KIFC3: variants seen among roughly 807,000 people sequenced by gnomAD.
KIFC3 encodes kinesin-like protein KIFC3.
A neutral mutation model predicts 101.8 loss-of-function variants in KIFC3; 60 were observed. The observed-to-expected ratio is 0.59, with a 90% CI of 0.48 to 0.73. The LOEUF is 0.73. Among genes scored for constraint, KIFC3 ranks in the 30% least tolerant of loss-of-function variants. KIFC3 has a pLI of 0.00. For missense variants in KIFC3, 966 were observed against 1,137.1 expected (o/e 0.85, Z 2.16); for synonymous variants, 476 against 482.7 (o/e 0.99, Z 0.18).
chr16:57,848,336 T>C (rs1200865832), intron 1 of KIFC3, among the ~76,000 whole-genome samples: 3 of 152,170 alleles, frequency 2.0e-5, no homozygotes, highest in African/African-American at 4.8e-5. Flanking sequence ...AGGACCAGCA[T>C]TGAGATGCCA....
chr16:57,768,424 ATT>A (rs1222757011), intron 9 of KIFC3, among the ~76,000 whole-genome samples: 1 of 151,274 alleles, frequency 6.6e-6, no homozygotes, highest in Non-Finnish European at 1.5e-5. Context: ...TGTACTGTTA[ATT>A]TTTTTCAACT....
chr16:57,785,620 T>A, intron 3 of KIFC3: 1 of 1,268,558 alleles, frequency 7.9e-7, no homozygotes, highest in Non-Finnish European at 1.0e-6. Context: ...CCGCACCTGG[T>A]GGCCCCGACA....
chr16:57,788,463 C>A, intron 3 of KIFC3: 6 of 1,022,080 alleles, frequency 5.9e-6, no homozygotes, highest in Non-Finnish European at 7.6e-6. Flanking sequence ...TCTGTCTAGG[C>A]CACCTCCAGC....
chr16:57,785,549 A>G (rs1259759307), intron 3 of KIFC3: 1 of 1,288,644 alleles, frequency 7.8e-7, no homozygotes, highest in Admixed American at 2.3e-5. Flanking sequence ...CTCCTCCTGT[A>G]GCTGGGTCTT....
intron 1 of KIFC3, among the ~76,000 whole-genome samples, chr16:57,858,783 C>T (rs530247356): frequency 6.6e-6 from 1 of 152,046 alleles, no homozygotes; most frequent in East Asian, 1.9e-4. Context: ...ACTGTTTCTA[C>T]TAAAAGTACA....
chr16:57,801,825 G>A (rs1180391838), intron 1 of KIFC3, among the ~76,000 whole-genome samples: 2 of 152,258 alleles, frequency 1.3e-5, no homozygotes, highest in African/African-American at 4.8e-5. Flanking sequence ...CGCCCTCCCT[G>A]CTGAGACCCT....
intron 3 of KIFC3, chr16:57,788,487 G>T: frequency 8.6e-7 from 1 of 1,160,750 alleles, no homozygotes; most frequent in Non-Finnish European, 1.1e-6. Context: ...GGAGGACAGG[G>T]CATGGGGATA....
At chr16:57,777,734 A>T (rs574639315) in intron 3 of KIFC3, among the ~76,000 whole-genome samples, 1 of 150,454 alleles carries the variant, frequency 6.6e-6, no homozygotes, top group Non-Finnish European at 1.5e-5. Context: ...TAAAAAAAAA[A>T]TTAAAAAAAA....
At chr16:57,847,209 AG>A (rs1237005394) in intron 1 of KIFC3, among the ~76,000 whole-genome samples, 1 of 55,928 alleles carries the variant, frequency 1.8e-5, no homozygotes, top group Admixed American at 1.8e-4. Flanking sequence ...GAAGGAAGGA[AG>A]GAAGGAAGGA....
At chr16:57,808,889 C>A (rs1237567870) in intron 1 of KIFC3, among the ~76,000 whole-genome samples, 1 of 152,198 alleles carries the variant, frequency 6.6e-6, no homozygotes, top group Admixed American at 6.5e-5. Flanking sequence ...GCACATAGCA[C>A]CCTCAGCCCA....
chr16:57,785,712 G>A (rs1378495902), intron 3 of KIFC3: 19 of 1,123,538 alleles, frequency 1.7e-5, no homozygotes, highest in South Asian at 9.7e-5. Flanking sequence ...GAGGTCCCAC[G>A]CTGGCAGAGG....
upstream of KIFC3, chr16:57,802,568 G>C: frequency 2.0e-6 from 2 of 992,856 alleles, no homozygotes; most frequent in Non-Finnish European, 2.4e-6. The surrounding 1 kb of genome is among the most constrained non-coding windows in gnomAD (Gnocchi z 5.0). Flanking sequence ...ACCCCGGCGG[G>C]GGGCGGCGGC....
At position 57,770,658 on chromosome 16, in the gene KIFC3, G is replaced by A; in HGVS notation, c.808C>T (p.Gln270Ter). 6.4e-7 allele frequency: 1 copy of A among 1,558,528 alleles called. No homozygotes were observed. Among genetic ancestry groups the A allele is most frequent in the Admixed American group, 2.0e-5 (1 of 50,644 alleles). ...TVEVESSKTKQALSESQARNQ... is the reference protein window; with the variant it reads ...TVEVESSKTK ...CGGGCCTGGGACTCGCTGAGGGCCTGCTTGGTCTTGGACGACTCCACCTCC... is the reference window on the plus strand; with the variant it reads ...CGGGCCTGGGACTCGCTGAGGGCCTACTTGGTCTTGGACGACTCCACCTCC... Residue 270 changes from glutamine to a stop codon, truncating the protein, a stop_gained, in exon 7 of 20, where the codon CAG becomes TAG. Transcript: ENST00000445690. LOFTEE classifies it high-confidence loss of function.
chr16:57,797,614 GC>G (rs2054440212), intron 2 of KIFC3: 1 of 894,722 alleles, frequency 1.1e-6, no homozygotes, highest in Non-Finnish European at 1.4e-6. Context: ...TTCCCGAGCA[GC>G]CTCGGTCCAC....
upstream of KIFC3, among the ~76,000 whole-genome samples, chr16:57,807,235 C>T (rs1055062388): frequency 6.8e-6 from 1 of 148,108 alleles, no homozygotes; most frequent in Non-Finnish European, 1.5e-5. Flanking sequence ...AAAAAAAAAA[C>T]CCCGTGGAAG....
At position 57,802,311 on chromosome 16, in the gene KIFC3, C is replaced by T. The variant is rs1372983722; in HGVS notation, c.-40+59G>A. On this transcript the variant is annotated intron_variant, in intron 1 of 19. Transcript: ENST00000445690. This position sits in a 1 kb window ranked among gnomAD's most constrained non-coding sequence, Gnocchi z 5.0. The stretch of plus-strand genomic sequence containing the variant: ...GGCCCGGACGCGGCGCCCCAAACGG[C>T]GGGCCGGGCAGAGCCCAGCGCCCCG... 2.9e-5 allele frequency: 26 copies of T among 886,120 alleles called. No homozygotes were observed. The highest frequency in any genetic ancestry group is 3.5e-5 in the Non-Finnish European group (26 of 739,792). 54.9% of individuals were successfully genotyped at this position (886,120 alleles called of 1,614,324 possible).
intron 3 of KIFC3, among the ~76,000 whole-genome samples, chr16:57,787,457 G>A (rs1009379137): frequency 2.0e-5 from 3 of 152,198 alleles, no homozygotes; most frequent in African/African-American, 4.8e-5. Flanking sequence ...TCTCAGCACC[G>A]CGGCAGGGCA....
intron 2 of KIFC3, among the ~76,000 whole-genome samples, chr16:57,796,687 A>G (rs761308284): frequency 3.3e-5 from 5 of 151,982 alleles, no homozygotes; most frequent in East Asian, 1.9e-4. Flanking sequence ...ATAATACCCA[A>G]TTTTTTCCTT....
rs2054782630 is a variant in KIFC3, at chr16:57,802,282, G to C, written c.-40+88C>G. The C allele has an allele frequency of 1.4e-6, 1 of 710,968 alleles. No homozygotes were observed. The highest frequency in any genetic ancestry group is 6.3e-5 in the South Asian group (1 of 15,976). 44.0% of individuals were successfully genotyped at this position (710,968 alleles called of 1,614,324 possible). A position where few individuals can be genotyped will look rare whatever the true frequency, so the allele number is the denominator to read the frequency against. ...CCGGGCAGAGGGGTCCCGAGGGCAGGGCCGGCCCGGACGCGGCGCCCCAAA... is the reference window on the plus strand; with the variant it reads ...CCGGGCAGAGGGGTCCCGAGGGCAGCGCCGGCCCGGACGCGGCGCCCCAAA... On this transcript the variant is annotated intron_variant, in intron 1 of 19. Transcript: ENST00000445690. This position sits in a 1 kb window ranked among gnomAD's most constrained non-coding sequence, Gnocchi z 5.0.
Sources: gnomAD v4.1 joint callset for allele counts (sites outside exome capture counted in the v4.1 genomes callset) on GRCh38, gnomAD v4.1.1 for gene constraint, Gnocchi (gnomAD v3.1) non-coding constraint, MANE v1.5 for transcripts, NCBI Gene and HGNC (gene_info 2026-07-23, HGNC 2026-07-21) for gene names.